ITGBL1: variants seen among roughly 807,000 people sequenced by gnomAD.
ITGBL1 encodes the protein integrin beta-like protein 1.
A neutral mutation model predicts 68.5 loss-of-function variants in ITGBL1; 51 were observed. That is an observed-to-expected ratio of 0.74 (90% CI 0.59 to 0.94). ITGBL1 has a LOEUF of 0.94. Ranked by LOEUF, ITGBL1 falls within the 40% of genes least tolerant of loss-of-function variation. The pLI is 0.00. For missense variants in ITGBL1, 649 were observed against 647.4 expected, an observed-to-expected ratio of 1.00 and a Z score of -0.03; for synonymous variants, 209 against 227.3, an observed-to-expected ratio of 0.92 and a Z score of 0.72.
At chr13:101,567,572 G>A (rs546383064) in intron 2 of ITGBL1, 127 bp from the exon 3 acceptor site, 6 of 753,870 alleles carry the variant, frequency 8.0e-6, no homozygotes, top group African/African-American at 3.6e-5. Flanking sequence ...CAGCCACTGC[G>A]ATATACATGA....
chr13:101,606,528 A>C (rs1272246381), intron 7 of ITGBL1, among the ~76,000 whole-genome samples: 4 of 151,916 alleles, frequency 2.6e-5, no homozygotes, highest in Non-Finnish European at 5.9e-5. Context: ...GCTAAACGTT[A>C]GTTTTACATT....
chr13:101,688,267 T>C (rs191628466), intron 7 of ITGBL1, among the ~76,000 whole-genome samples: 4 of 152,066 alleles, frequency 2.6e-5, no homozygotes, highest in Non-Finnish European at 4.4e-5. Context: ...AGTTTAAACT[T>C]TGCATTCAGT....
intron 7 of ITGBL1, among the ~76,000 whole-genome samples, chr13:101,621,274 T>G (rs1029289462): frequency 3.3e-5 from 5 of 152,170 alleles, no homozygotes; most frequent in African/African-American, 1.2e-4. Context: ...ATTAGAAACA[T>G]GTACCACTTC....
chr13:101,587,935 C>CTTGTTAACATCA (rs376385568), intron 6 of ITGBL1, among the ~76,000 whole-genome samples: 2,486 of 152,208 alleles, frequency 0.016, 69 homozygotes, highest in African/African-American at 0.056. Context: ...TGTTAACAGA[C>CTTGTTAACATCA]GATTCAAATT....
intron 7 of ITGBL1, among the ~76,000 whole-genome samples, chr13:101,632,956 C>T (rs2032036433): frequency 6.6e-6 from 1 of 152,168 alleles, no homozygotes; most frequent in Admixed American, 6.5e-5. Flanking sequence ...GCATGGGGAT[C>T]CGCTGGAGTT....
chr13:101,525,615 C>T (rs1932264), intron 2 of ITGBL1, among the ~76,000 whole-genome samples: 112,843 of 151,396 alleles, frequency 0.75, 42,081 homozygotes, highest in South Asian at 0.79. Context: ...CTAATAAATG[C>T]TAACTATTTT....
At chr13:101,657,763 C>CA (rs2032972815) in intron 7 of ITGBL1, among the ~76,000 whole-genome samples, 1 of 152,170 alleles carries the variant, frequency 6.6e-6, no homozygotes, top group South Asian at 2.1e-4. Flanking sequence ...GAATGCTGCA[C>CA]ATGTGGATGA....
At chr13:101,557,576 G>C (rs1275212389) in intron 2 of ITGBL1, among the ~76,000 whole-genome samples, 1 of 152,184 alleles carries the variant, frequency 6.6e-6, no homozygotes, top group African/African-American at 2.4e-5. Flanking sequence ...GGAAATAAGA[G>C]TGATTTGTGA....
At chr13:101,661,494 T>G (rs1294592748) in intron 7 of ITGBL1, among the ~76,000 whole-genome samples, 1 of 152,186 alleles carries the variant, frequency 6.6e-6, no homozygotes, top group African/African-American at 2.4e-5. Context: ...CATGTGAGCT[T>G]ATGGTTTATT....
At chr13:101,668,691 T>A (rs2033283854) in intron 7 of ITGBL1, among the ~76,000 whole-genome samples, 1 of 152,182 alleles carries the variant, frequency 6.6e-6, no homozygotes, top group Non-Finnish European at 1.5e-5. Context: ...ATATAAATGG[T>A]ATAAATGTGT....
At chr13:101,483,329 G>A (rs2048654199) in intron 2 of ITGBL1, among the ~76,000 whole-genome samples, 1 of 152,168 alleles carries the variant, frequency 6.6e-6, no homozygotes, top group South Asian at 2.1e-4. Context: ...CACTGTCAAG[G>A]TTGCAATTAA....
At chr13:101,534,921 A>G (rs1406594509) in intron 2 of ITGBL1, among the ~76,000 whole-genome samples, 4 of 152,112 alleles carry the variant, frequency 2.6e-5, no homozygotes, top group African/African-American at 4.8e-5. Flanking sequence ...GTGTAACATA[A>G]GATGTTCTGG....
At chr13:101,579,541 T>C in intron 5 of ITGBL1, 114 bp downstream of exon 5, 1 of 1,072,406 alleles carries the variant, frequency 9.3e-7, no homozygotes, top group Non-Finnish European at 1.3e-6. Context: ...CTTCTAACCA[T>C]TTACTTTGAT....
intron 1 of ITGBL1, 39 bp downstream of exon 1, chr13:101,452,970 T>A (rs1236444957): frequency 6.5e-7 from 1 of 1,534,766 alleles, no homozygotes; most frequent in Non-Finnish European, 9.0e-7. Flanking sequence ...AGACCTGCCC[T>A]GCTTATGTGG....
chr13:101,693,532 G>A (rs1194283599), intron 8 of ITGBL1, among the ~76,000 whole-genome samples: 1 of 152,040 alleles, frequency 6.6e-6, no homozygotes, highest in Non-Finnish European at 1.5e-5. Flanking sequence ...GGTGGGTTGA[G>A]GGAGAGGATC....
At chr13:101,458,264 A>T (rs2048271266) in intron 2 of ITGBL1, among the ~76,000 whole-genome samples, 1 of 152,236 alleles carries the variant, frequency 6.6e-6, no homozygotes, top group Non-Finnish European at 1.5e-5. Context: ...GTAGCATTTG[A>T]CATAAGCACT....
intron 7 of ITGBL1, among the ~76,000 whole-genome samples, chr13:101,676,988 G>T (rs1365114937): frequency 6.6e-6 from 1 of 152,086 alleles, no homozygotes; most frequent in African/African-American, 2.4e-5. Flanking sequence ...GCTGGGCGTG[G>T]TGGCACATGC....
chr13:101,626,142 A>G (rs1456237090), intron 7 of ITGBL1, among the ~76,000 whole-genome samples: 1 of 152,124 alleles, frequency 6.6e-6, no homozygotes, highest in East Asian at 1.9e-4. Flanking sequence ...TTCAGATACA[A>G]CTTCAGACCC....
In ITGBL1 at chr13:101,631,003, A is replaced by G. The variant is rs138313529; in HGVS notation, c.1015+32704A>G. ...TTCTGTAGCTCTATCTTATGCTCCA[A>G]CTGATCAGACATATGTTGATCACTC... is the stretch of plus-strand genomic sequence containing the variant. On this transcript the variant is annotated intron_variant, in intron 7 of 10. Coordinates refer to ENST00000376180, the MANE Select transcript of ITGBL1 (RefSeq NM_004791.3). Among the ~76,000 whole-genome samples the G allele has an allele frequency of 7.7e-3, 1,174 of 152,262 alleles. 17 individuals carry two copies. Among genetic ancestry groups the G allele is most frequent in the African/African-American group, 0.026 (1,095 of 41,548 alleles).
Sources: gnomAD v4.1 joint callset for allele counts (sites outside exome capture counted in the v4.1 genomes callset) on GRCh38, gnomAD v4.1.1 for gene constraint, MANE v1.5 for transcripts, NCBI Gene and HGNC (gene_info 2026-07-23, HGNC 2026-07-21) for gene names.